Variants in GPRC6A observed in about 807,000 individuals in gnomAD.
GPRC6A encodes G protein-coupled receptor class C group 6 member A, also known as G protein-coupled receptor family C group 6 member A.
In GPRC6A, 54 loss-of-function variants were observed where a neutral mutation model predicts 47.0. The observed-to-expected ratio is 1.15, with a 90% confidence interval of 0.92 to 1.44. GPRC6A has a LOEUF of 1.44. GPRC6A is among the 40% of genes most tolerant of loss of function. The pLI is 0.00. For synonymous variants in GPRC6A, 347 were observed against 377.1 expected (o/e 0.92, Z 0.93); for missense variants, 1,112 against 1,105.5 (o/e 1.01, Z -0.08).
chr6:116,821,415 CA>C (rs1773471697), intron 1 of GPRC6A, among the ~76,000 whole-genome samples: 1 of 151,992 alleles, frequency 6.6e-6, no homozygotes, highest in South Asian at 2.1e-4. Flanking sequence ...AATCCTAAGC[CA>C]AAAGAACAAA....
At chr6:116,829,115 A>G, upstream of GPRC6A, 1 of 1,381,608 alleles carries the variant, frequency 7.2e-7, no homozygotes, top group Non-Finnish European at 9.5e-7. Context: ...CTTATAAGGT[A>G]TAGGACAGTG....
intron 4 of GPRC6A, among the ~76,000 whole-genome samples, chr6:116,800,314 TTC>T (rs1241467113): frequency 7.1e-6 from 1 of 140,444 alleles, no homozygotes; most frequent in East Asian, 2.3e-4. Flanking sequence ...CTCCCTTTCT[TTC>T]TTTCTTTTTT....
intron 2 of GPRC6A, 38 bp downstream of exon 2, chr6:116,809,276 T>C: frequency 6.5e-7 from 1 of 1,531,562 alleles, no homozygotes; most frequent in South Asian, 1.2e-5. Context: ...ATAACAAATG[T>C]GATCAAAAGC....
Position 116,806,998 on chromosome 6 carries a change from T to A in GPRC6A, c.707A>T (p.Asn236Ile), listed in dbSNP as rs1190009913. 1 of 1,613,690 alleles carries A rather than the reference T, an allele frequency of 6.2e-7. No homozygotes were observed. Among genetic ancestry groups the A allele is most frequent in the Admixed American group, 1.7e-5 (1 of 59,914 alleles). The change falls in exon 3 of 6, where the codon AAC becomes ATC. Residue 236 changes from asparagine (N) to isoleucine (I), a missense_variant. By Grantham distance (149) the Asn-to-Ile change is moderately radical. Coordinates refer to ENST00000310357, the MANE Select transcript of GPRC6A (RefSeq NM_148963.4). ...NTFIIQAEAN[N>I]VCIAFKEVLP... ...AACCTCTTTGAAGGCTATGCACACG[T>A]TATTTGCTTCAGCCTGAATTATAAA...
At chr6:116,811,205 C>CA (rs907045548) in intron 1 of GPRC6A, among the ~76,000 whole-genome samples, 5 of 151,944 alleles carry the variant, frequency 3.3e-5, no homozygotes, top group Admixed American at 2.0e-4. Flanking sequence ...CAGTCATGGC[C>CA]AAAAAAATCA....
At chr6:116,810,906 C>T (rs1330806590) in intron 1 of GPRC6A, among the ~76,000 whole-genome samples, 1 of 152,166 alleles carries the variant, frequency 6.6e-6, no homozygotes, top group Non-Finnish European at 1.5e-5. Flanking sequence ...GCATGCCACA[C>T]AAGTGTCCCA....
At chr6:116,817,083 A>T in intron 1 of GPRC6A, among the ~76,000 whole-genome samples, 1 of 152,290 alleles carries the variant, frequency 6.6e-6, no homozygotes, top group Middle Eastern at 3.4e-3. Flanking sequence ...CTCTGGGGGC[A>T]GGGCACAGAC....
intron 1 of GPRC6A, 91 bp downstream of exon 1, chr6:116,828,729 A>G: frequency 9.6e-7 from 1 of 1,036,918 alleles, no homozygotes; most frequent in Non-Finnish European, 1.4e-6. Context: ...ATTTTTTTAA[A>G]TGATTTAGAT....
rs558967836 is a variant in GPRC6A, at chr6:116,806,311, A to G, written c.1335+59T>C. 4.7e-6 allele frequency: 5 copies of G among 1,062,554 alleles called. No homozygotes were observed. In the African/African-American group the frequency reaches 6.3e-5, roughly 13 times the overall value. 65.8% of individuals were successfully genotyped at this position (1,062,554 alleles called of 1,614,324 possible). On this transcript the variant is annotated intron_variant, in intron 3 of 5. Transcript: ENST00000310357. ...ATATAAATCTTTGCAAATTAAAACA[A>G]GGGAGGAAATGGGGAAAATGATGGT... is the stretch of plus-strand genomic sequence containing the variant.
chr6:116,806,415 A>G lies in GPRC6A; in HGVS notation c.1290T>C (p.Cys430=). ...TGGGGTTCTGACAGTCACGAGCTTG[A>G]CACAGATCCCGAATGGCATAACCAA... ...FALGYAIRDL[C]QARDCQNPNA... is the part of the protein sequence containing the mutation. Residue 430 remains cysteine, a synonymous_variant, in exon 3 of 6, where the codon TGT becomes TGC. Transcript: ENST00000310357. The G allele has an allele frequency of 6.2e-7, 1 of 1,613,286 alleles. No individual in the cohort carries two copies. Among genetic ancestry groups the G allele is most frequent in the African/African-American group, 1.3e-5 (1 of 74,984 alleles).
intron 1 of GPRC6A, among the ~76,000 whole-genome samples, chr6:116,824,674 A>C (rs9374624): frequency 0.3 from 45,707 of 151,880 alleles, 7,665 homozygotes; most frequent in East Asian, 0.53. Flanking sequence ...TAAAGAAGAA[A>C]TAATAGTAAT....
rs185570015 is a variant in GPRC6A at position 116,813,047 on chromosome 6, A to C, written c.195-3430T>G. Among the ~76,000 whole-genome samples the C allele has an allele frequency of 7.0e-3, 1,073 of 152,316 alleles. 10 individuals are homozygous for C. Among genetic ancestry groups the C allele is most frequent in the African/African-American group, 0.024 (1,012 of 41,562 alleles). On this transcript the variant is annotated intron_variant, in intron 1 of 5. Coordinates refer to ENST00000310357, the MANE Select transcript of GPRC6A (RefSeq NM_148963.4). ...AATAAAATACCTAGGAATCCAACTT[A>C]CAAGGGATGTGAAGGACCTCTTCAA... is the stretch of plus-strand genomic sequence containing the variant.
chr6:116,820,002 T>C (rs550502194), intron 1 of GPRC6A, among the ~76,000 whole-genome samples: 92 of 149,970 alleles, frequency 6.1e-4, no homozygotes, highest in African/African-American at 2.0e-3. Flanking sequence ...ATCAAATAGA[T>C]GCAATAAAAA....
Position 116,817,823 on chromosome 6 carries a change from G to T in GPRC6A, c.195-8206C>A, listed in dbSNP as rs189544122. 3.3e-4 allele frequency among the ~76,000 whole-genome samples: 50 copies of T among 152,176 alleles called. No homozygotes were observed. The South Asian group carries it at 7.1e-3, about 22-fold the overall frequency. ...GAATGAAATGAAGCGAGAAGGGAAG[G>T]TTAGAGAAAAAAGAATAAAAAGAAA... On this transcript the variant is annotated intron_variant, in intron 1 of 5. Coordinates refer to ENST00000310357, the MANE Select transcript of GPRC6A (RefSeq NM_148963.4).
chr6:116,795,062 C>T (rs114244483), intron 5 of GPRC6A, among the ~76,000 whole-genome samples: 121 of 152,222 alleles, frequency 7.9e-4, no homozygotes, highest in African/African-American at 2.8e-3. Context: ...GGAAAGTGCT[C>T]ATAGTTTCTT....
rs77554140 is a variant in GPRC6A at position 116,826,384 on chromosome 6, C to A, written c.194+2436G>T. 2.0e-3 allele frequency among the ~76,000 whole-genome samples: 296 copies of A among 151,722 alleles called. 4 individuals carry two copies. In the East Asian group the frequency reaches 0.032, roughly 16 times the overall value. ...TTAACAAGTGGTCAAAGAACATGAA[C>A]AGATGATTCTCAAAAGAAGATATAA... On this transcript the variant is annotated intron_variant, in intron 1 of 5. Transcript: ENST00000310357.
At chr6:116,813,434 C>T (rs558908731) in intron 1 of GPRC6A, among the ~76,000 whole-genome samples, 18 of 151,906 alleles carry the variant, frequency 1.2e-4, no homozygotes, top group Admixed American at 1.3e-4. Flanking sequence ...AACAGAACAG[C>T]GGCCTCAGGA....
Position 116,828,964 on chromosome 6 carries a change from G to C in GPRC6A, c.50C>G (p.Thr17Ser). The change falls in exon 1 of 6, where the codon ACT (threonine) becomes AGT (serine). Residue 17 changes from threonine to serine, a missense_variant. Transcript: ENST00000310357. ...LITCFVIILA[T>S]SQPCQTPDDF... ...ATCAGGGGTCTGGCAAGGCTGTGAAGTAGCAAGAATAATCACAAAGCAGGT... is the reference window on the plus strand; with the variant it reads ...ATCAGGGGTCTGGCAAGGCTGTGAACTAGCAAGAATAATCACAAAGCAGGT... 6.2e-7 allele frequency: 1 copy of C among 1,613,124 alleles called. No individual in the cohort carries two copies. The highest frequency in any genetic ancestry group is 2.2e-5 in the East Asian group (1 of 44,862).
chr6:116,797,044 C>T (rs1053202179), intron 4 of GPRC6A, among the ~76,000 whole-genome samples: 2 of 151,988 alleles, frequency 1.3e-5, no homozygotes, highest in Non-Finnish European at 1.5e-5. Flanking sequence ...TCCCCCTACC[C>T]CACAACAGTC....
Sources: gnomAD v4.1 joint callset for allele counts (sites outside exome capture counted in the v4.1 genomes callset) on GRCh38, gnomAD v4.1.1 for gene constraint, MANE v1.5 for transcripts, NCBI Gene and HGNC (gene_info 2026-07-23, HGNC 2026-07-21) for gene names.